The following EYS variants were observed in gnomAD, a reference collection of about 807,000 sequenced individuals.
EYS encodes protein eyes shut homolog.
A neutral mutation model predicts 282.1 loss-of-function variants in EYS; 250 were observed. The observed-to-expected ratio is 0.89, with a 90% CI of 0.80 to 0.98. The LOEUF is 0.98. Among genes scored for constraint, EYS ranks in the 50% least tolerant of loss-of-function variants. The pLI, the probability that EYS is intolerant of heterozygous loss-of-function variation, is 0.00. For synonymous variants in EYS, 1,355 were observed against 1,282.9 expected (o/e 1.06, Z -1.20); for missense variants, 4,016 against 3,709.0 (o/e 1.08, Z -2.15).
intron 12 of EYS, among the ~76,000 whole-genome samples, chr6:65,206,732 A>G (rs559327969): frequency 1.3e-3 from 196 of 151,998 alleles, no homozygotes; most frequent in African/African-American, 4.5e-3. Context: ...TTGCAAATCA[A>G]TGAATGTGAT....
chr6:64,190,650 A>G (rs2150316218), intron 31 of EYS, among the ~76,000 whole-genome samples: 1 of 152,248 alleles, frequency 6.6e-6, no homozygotes, highest in East Asian at 1.9e-4. Flanking sequence ...AAATCTTTCC[A>G]TTTGTGACAG....
intron 31 of EYS, among the ~76,000 whole-genome samples, chr6:64,201,599 C>T (rs1473114854): frequency 2.6e-5 from 4 of 151,886 alleles, no homozygotes; most frequent in Non-Finnish European, 4.4e-5. Context: ...AGCCCTATTA[C>T]GTTGAAAAAA....
At chr6:63,848,282 T>C (rs57657484) in intron 36 of EYS, among the ~76,000 whole-genome samples, 18,650 of 152,048 alleles carry the variant, frequency 0.12, 1,392 homozygotes, top group African/African-American at 0.2. Flanking sequence ...TCCACATCTC[T>C]GTTAGTATGA....
At chr6:64,574,251 G>T (rs578076129) in intron 26 of EYS, among the ~76,000 whole-genome samples, 2 of 152,008 alleles carry the variant, frequency 1.3e-5, no homozygotes, top group African/African-American at 4.8e-5. Context: ...ACAGGGAGAC[G>T]AACATCACAC....
chr6:64,621,427 G>T (rs796842862), intron 23 of EYS, among the ~76,000 whole-genome samples: 1 of 151,750 alleles, frequency 6.6e-6, no homozygotes, highest in Non-Finnish European at 1.5e-5. Flanking sequence ...TTAGTAATTG[G>T]ATAACATAAA....
chr6:63,953,000 C>T (rs958923742), intron 35 of EYS, among the ~76,000 whole-genome samples: 1 of 152,226 alleles, frequency 6.6e-6, no homozygotes, highest in Non-Finnish European at 1.5e-5. Flanking sequence ...ACAAGTCTTA[C>T]AGGTTAGTTC....
Position 64,519,364 on chromosome 6 carries a change from G to A in EYS, c.5644+70859C>T, listed in dbSNP as rs1001476152. Among the ~76,000 whole-genome samples the A allele has an allele frequency of 2.5e-4, 38 of 151,834 alleles. 1 individual carries two copies. The highest frequency in any genetic ancestry group is 1.8e-4 in the Non-Finnish European group (12 of 67,866). ...GATTGTTTTGTGTAAGTCGTTGTAA[G>A]TCTTTGATATAGAGATTTGCCTGCT... On this transcript the variant is annotated intron_variant, in intron 26 of 42. Transcript: ENST00000503581.
At chr6:63,839,642 C>T (rs1301391210) in intron 36 of EYS, among the ~76,000 whole-genome samples, 3 of 152,142 alleles carry the variant, frequency 2.0e-5, no homozygotes, top group African/African-American at 4.8e-5. Context: ...AGTCACAGTG[C>T]CCAGCCTTGG....
intron 35 of EYS, among the ~76,000 whole-genome samples, chr6:63,881,228 A>T (rs1268428706): frequency 1.3e-5 from 2 of 152,170 alleles, no homozygotes; most frequent in Non-Finnish European, 2.9e-5. Context: ...AGCTCCAGTG[A>T]TTCACTATAA....
intron 12 of EYS, among the ~76,000 whole-genome samples, chr6:65,159,674 C>T (rs959001556): frequency 4.0e-5 from 6 of 150,808 alleles, no homozygotes; most frequent in Non-Finnish European, 8.9e-5. Context: ...TCTCTCAGCA[C>T]TGCTAAGTCA....
At chr6:63,732,532 CAA>C (rs1194818783) in intron 41 of EYS, among the ~76,000 whole-genome samples, 3 of 151,992 alleles carry the variant, frequency 2.0e-5, no homozygotes, top group Non-Finnish European at 2.9e-5. Context: ...AAAATAAAGT[CAA>C]GAGAAAAATT....
chr6:64,157,001 G>A (rs564375001), intron 31 of EYS, among the ~76,000 whole-genome samples: 14 of 151,122 alleles, frequency 9.3e-5, no homozygotes, highest in Non-Finnish European at 1.3e-4. Flanking sequence ...CCACTAACTC[G>A]TCATCTAGCA....
chr6:63,971,271 T>C (rs1051153745), intron 35 of EYS, among the ~76,000 whole-genome samples: 3 of 152,212 alleles, frequency 2.0e-5, no homozygotes, highest in Non-Finnish European at 4.4e-5. Context: ...CCTAGCATTA[T>C]CTGGGTTTTT....
intron 2 of EYS, among the ~76,000 whole-genome samples, chr6:65,576,998 G>A (rs1432796179): frequency 2.0e-5 from 3 of 151,622 alleles, no homozygotes; most frequent in Non-Finnish European, 4.4e-5. Context: ...ACTACCCAAA[G>A]CAATCTATGA....
chr6:65,695,810 A>G (rs1396711805), intron 1 of EYS, among the ~76,000 whole-genome samples: 1 of 152,034 alleles, frequency 6.6e-6, no homozygotes, highest in Non-Finnish European at 1.5e-5. Flanking sequence ...CTATATAAAC[A>G]TAGTTATATA....
chr6:64,736,948 T>C (rs1772204394), intron 22 of EYS, among the ~76,000 whole-genome samples: 1 of 152,198 alleles, frequency 6.6e-6, no homozygotes, highest in African/African-American at 2.4e-5. Flanking sequence ...AAGAATACAA[T>C]TTATCATTTT....
chr6:64,519,365 T>C lies in EYS; in HGVS notation c.5644+70858A>G, dbSNP rs1428520306. 3.3e-5 allele frequency among the ~76,000 whole-genome samples: 5 copies of C among 151,776 alleles called. No homozygotes were observed. In the East Asian group the frequency reaches 9.7e-4, roughly 29 times the overall value. ...ATTGTTTTGTGTAAGTCGTTGTAAGTCTTTGATATAGAGATTTGCCTGCTC... is the reference window on the plus strand; with the variant it reads ...ATTGTTTTGTGTAAGTCGTTGTAAGCCTTTGATATAGAGATTTGCCTGCTC... On this transcript the variant is annotated intron_variant, in intron 26 of 42. Coordinates refer to ENST00000503581, the MANE Select transcript of EYS (RefSeq NM_001142800.2).
At chr6:64,004,821 T>A (rs1180886656) in intron 33 of EYS, among the ~76,000 whole-genome samples, 1 of 152,220 alleles carries the variant, frequency 6.6e-6, no homozygotes, top group East Asian at 1.9e-4. Flanking sequence ...TGTGTAGTAT[T>A]CCATGGTATC....
At chr6:64,285,995 T>C (rs1768486125) in intron 30 of EYS, among the ~76,000 whole-genome samples, 2 of 152,202 alleles carry the variant, frequency 1.3e-5, no homozygotes, top group African/African-American at 2.4e-5. Flanking sequence ...TCTGTCCATC[T>C]TTCTCATCTG....
Sources: allele counts gnomAD v4.1 joint callset (sites outside exome capture counted in the v4.1 genomes callset), GRCh38; gene constraint gnomAD v4.1.1; transcripts MANE v1.5; gene names NCBI Gene and HGNC (gene_info 2026-07-23, HGNC 2026-07-21).